MPDU1: variants seen among roughly 807,000 people sequenced by gnomAD.
MPDU1 encodes mannose-P-dolichol utilization defect 1 protein.
MPDU1 carries 18 observed loss-of-function variants against 27.6 expected under a neutral mutation model. The ratio of observed to expected loss-of-function variants is 0.65; its 90% CI spans 0.45 to 0.97. The LOEUF (loss-of-function observed/expected upper bound fraction) is 0.97, where lower values mean the gene tolerates loss of function less well. MPDU1 is among the 50% of genes least tolerant of loss of function. MPDU1 has a pLI of 0.00. For synonymous variants in MPDU1, 142 were observed against 131.1 expected (o/e 1.08, Z -0.57); for missense variants, 279 against 297.4 (o/e 0.94, Z 0.46).
chr17:7,584,149 TG>T, intron 1 of MPDU1, 184 bp downstream of exon 1: 1 of 662,976 alleles, frequency 1.5e-6, no homozygotes, highest in Non-Finnish European at 2.7e-6. Flanking sequence ...TTAGTGCCAG[TG>T]GGGAAGTCAC....
At chr17:7,583,841 T>C (rs755527444), upstream of MPDU1, 3 of 1,613,074 alleles carry the variant, frequency 1.9e-6, no homozygotes, top group African/African-American at 1.3e-5. Context: ...CTGGAGAGAC[T>C]GGCGGAAGCT....
At chr17:7,584,151 G>T in intron 1 of MPDU1, 186 bp downstream of exon 1, 2 of 660,580 alleles carry the variant, frequency 3.0e-6, no homozygotes, top group Non-Finnish European at 5.5e-6. Flanking sequence ...AGTGCCAGTG[G>T]GGAAGTCACC....
chr17:7,586,552 G>A lies in MPDU1; in HGVS notation c.303-140G>A, dbSNP rs371049657. ...GGGTGAGCATCCCGAGAATGGCCAC[G>A]ATTCAGAATGAGCCAGTCCCGTGTG... On this transcript the variant is annotated intron_variant, in intron 3 of 6. Transcript: ENST00000250124. The A allele has an allele frequency of 9.5e-5, 74 of 778,152 alleles. 1 individual carries two copies. Among genetic ancestry groups the A allele is most frequent in the Admixed American group, 5.4e-4 (28 of 51,378 alleles). 48.2% of individuals were successfully genotyped at this position (778,152 alleles called of 1,614,324 possible).
intron 1 of MPDU1, 25 bp downstream of exon 1, chr17:7,583,990 C>G (rs773234447): frequency 5.6e-6 from 9 of 1,605,966 alleles, no homozygotes; most frequent in Admixed American, 1.7e-5. Context: ...GCATCCGATC[C>G]AAGTCCTACT....
chr17:7,583,755 G>C (rs766385750), upstream of MPDU1: 24 of 1,154,374 alleles, frequency 2.1e-5, no homozygotes, highest in Admixed American at 1.0e-4. Context: ...GCACGGGGCG[G>C]GCCAGCTTCG....
chr17:7,584,134 C>T (rs1166193511), intron 1 of MPDU1, 169 bp downstream of exon 1: 1 of 706,890 alleles, frequency 1.4e-6, no homozygotes, highest in Non-Finnish European at 2.5e-6. Context: ...AGGGAGGACA[C>T]CATATTAGTG....
At chr17:7,585,863 T>C (rs2071574101) in intron 2 of MPDU1, 66 bp downstream of exon 2, 1 of 1,611,698 alleles carries the variant, frequency 6.2e-7, no homozygotes, top group Non-Finnish European at 8.5e-7. Flanking sequence ...CCATCAACTG[T>C]GTGGGTGTTC....
chr17:7,588,016 T>G lies in MPDU1; in HGVS notation c.*465T>G. The G allele has an allele frequency of 2.0e-6, 1 of 488,654 alleles. No homozygotes were observed. The highest frequency in any genetic ancestry group is 4.0e-6 in the Non-Finnish European group (1 of 250,192). 30.3% of individuals were successfully genotyped at this position (488,654 alleles called of 1,614,324 possible). A position where few individuals can be genotyped will look rare whatever the true frequency, so the allele number is the denominator to read the frequency against. On this transcript the variant is annotated 3_prime_UTR_variant, in exon 7 of 7. Transcript: ENST00000250124. ...GCTGGGACTGTCTCCCGGACCCCAGTGCTGGGGTGGGGGAAGGGGGACGGA... is the reference window on the plus strand; with the variant it reads ...GCTGGGACTGTCTCCCGGACCCCAGGGCTGGGGTGGGGGAAGGGGGACGGA...
At chr17:7,586,141 A>C (rs929456931) in intron 3 of MPDU1, 63 bp downstream of exon 3, 7 of 1,601,302 alleles carry the variant, frequency 4.4e-6, no homozygotes, top group Middle Eastern at 2.2e-4. Context: ...ATTAAGGTGA[A>C]GGAGGTTACA....
chr17:7,588,044 A>G lies in MPDU1; in HGVS notation c.*493A>G. The G allele has an allele frequency of 2.0e-6, 1 of 509,848 alleles. No homozygotes were observed. Among genetic ancestry groups the G allele is most frequent in the South Asian group, 1.5e-5 (1 of 64,974 alleles). 31.6% of individuals were successfully genotyped at this position (509,848 alleles called of 1,614,324 possible). A position where few individuals can be genotyped will look rare whatever the true frequency, so the allele number is the denominator to read the frequency against. ...TGGGGTGGGGGAAGGGGGACGGAGA[A>G]TGACTCAGGCAGGGCCCCAGGGTGG... On this transcript the variant is annotated 3_prime_UTR_variant, in exon 7 of 7. Transcript: ENST00000250124.
At chr17:7,586,494 C>G in intron 3 of MPDU1, 198 bp from the exon 4 acceptor site, 2 of 658,942 alleles carry the variant, frequency 3.0e-6, no homozygotes, top group South Asian at 3.3e-5. Context: ...TTTTAGAAAC[C>G]TAATCATCAC....
intron 6 of MPDU1, 52 bp from the exon 7 acceptor site, chr17:7,587,373 AC>A: frequency 6.2e-7 from 1 of 1,613,906 alleles, no homozygotes; most frequent in Non-Finnish European, 8.5e-7. Flanking sequence ...CCATAAGGGA[AC>A]CTTTCTTGAG....
In MPDU1 at chr17:7,587,617, C is replaced by T; in HGVS notation, c.*66C>T. The T allele has an allele frequency of 1.9e-6, 3 of 1,606,590 alleles. No individual in the cohort carries two copies. The highest frequency in any genetic ancestry group is 1.7e-6 in the Non-Finnish European group (2 of 1,174,428). On this transcript the variant is annotated 3_prime_UTR_variant, in exon 7 of 7. Transcript: ENST00000250124. The stretch of plus-strand genomic sequence containing the variant: ...AACCTCAGGGTTCTCCCCATCTGAG[C>T]CAGCCTGCTGGTGTGACTTACTCAT...
At chr17:7,584,137 T>C in intron 1 of MPDU1, 172 bp downstream of exon 1, 1 of 695,394 alleles carries the variant, frequency 1.4e-6, no homozygotes. Flanking sequence ...GAGGACACCA[T>C]ATTAGTGCCA....
In MPDU1 at chr17:7,588,089, T is replaced by C. The variant is rs1376209986; in HGVS notation, c.*538T>C. The stretch of plus-strand genomic sequence containing the variant: ...GGGTGGGGTGAGGAGGTTCCTGCTC[T>C]GGCAGGTCTAGGCGGAAGGGAGTGG... On this transcript the variant is annotated 3_prime_UTR_variant, in exon 7 of 7. Transcript: ENST00000250124. The C allele has an allele frequency of 3.4e-6, 2 of 580,850 alleles. No homozygotes were observed. Among genetic ancestry groups the C allele is most frequent in the Admixed American group, 4.3e-5 (2 of 46,070 alleles). 36.0% of individuals were successfully genotyped at this position (580,850 alleles called of 1,614,324 possible).
At chr17:7,583,782 G>A (rs141162928), upstream of MPDU1, 1,378 of 1,435,490 alleles carry the variant, frequency 9.6e-4, 2 homozygotes, top group Non-Finnish European at 1.2e-3. Context: ...GAAAAGAACG[G>A]GAGGCGGAGT....
chr17:7,585,689 T>C, intron 1 of MPDU1, 43 bp from the exon 2 acceptor site: 1 of 1,597,618 alleles, frequency 6.3e-7, no homozygotes, highest in Non-Finnish European at 8.6e-7. Flanking sequence ...CTGGCCTGGG[T>C]TTCAGACATC....
At chr17:7,586,145 G>A (rs1280105049) in intron 3 of MPDU1, 67 bp downstream of exon 3, 1 of 1,597,934 alleles carries the variant, frequency 6.3e-7, no homozygotes, top group East Asian at 2.3e-5. Context: ...AGGTGAAGGA[G>A]GTTACAAGGC....
Position 7,586,762 on chromosome 17 carries a change from G to A in MPDU1, c.373G>A (p.Gly125Arg). ...TICFLVMHYR[G>R]QTVKGVAFLA... is the part of the protein sequence containing the mutation. ...CTGCTTCCTGGTCATGCACTACAGA[G>A]GACAGACTGTGAAAGGTGCTGGGGA... Residue 125 changes from glycine (G) to arginine (R), a missense_variant, in exon 4 of 7, where the codon GGA (glycine) becomes AGA (arginine). Transcript: ENST00000250124. 1 of 1,614,096 alleles carries A rather than the reference G, an allele frequency of 6.2e-7. No individual in the cohort carries two copies. The highest frequency in any genetic ancestry group is 8.5e-7 in the Non-Finnish European group (1 of 1,180,000).
Sources: allele counts gnomAD v4.1 joint callset, GRCh38; gene constraint gnomAD v4.1.1; transcripts MANE v1.5; gene names NCBI Gene and HGNC (gene_info 2026-07-23, HGNC 2026-07-21).